The following LY75 variants were observed in gnomAD, a reference collection of about 807,000 sequenced individuals.
LY75 encodes the protein lymphocyte antigen 75, also known as C-type lectin domain family 13 member B.
A neutral mutation model predicts 231.7 loss-of-function variants in LY75; 185 were observed. That is an observed-to-expected ratio of 0.80 (90% CI 0.71 to 0.90). LY75 has a LOEUF of 0.90. Ranked by LOEUF, LY75 falls within the 40% of genes least tolerant of loss-of-function variation. LY75 has a pLI of 0.00. For synonymous variants in LY75, 668 were observed against 689.0 expected (o/e 0.97, Z 0.48); for missense variants, 1,947 against 2,050.2 (o/e 0.95, Z 0.97).
rs1167348813 is a variant in LY75, at chr2:159,835,775, T to A, written c.3508-130A>T. On this transcript the variant is annotated intron_variant, in intron 25 of 34. Transcript: ENST00000263636. ...TAATACACATTTACATACCATTTACTACATAACAAGCATTGTTCTAAATGC... is the reference window on the plus strand; with the variant it reads ...TAATACACATTTACATACCATTTACAACATAACAAGCATTGTTCTAAATGC... The A allele has an allele frequency of 7.6e-6, 9 of 1,184,462 alleles. No individual in the cohort carries two copies. The East Asian group carries it at 2.4e-4, about 32-fold the overall frequency. 73.4% of individuals were successfully genotyped at this position (1,184,462 alleles called of 1,614,324 possible). A position where few individuals can be genotyped will look rare whatever the true frequency, so the allele number is the denominator to read the frequency against.
chr2:159,904,448 C>G (rs1431906766), intron 1 of LY75, 141 bp downstream of exon 1: 5 of 981,372 alleles, frequency 5.1e-6, no homozygotes, highest in Non-Finnish European at 7.0e-6. Flanking sequence ...ACTCACTCTT[C>G]CGGCTCCAGA....
intron 1 of LY75, among the ~76,000 whole-genome samples, chr2:159,902,007 AG>A (rs1461491007): frequency 6.6e-6 from 1 of 152,224 alleles, no homozygotes; most frequent in Admixed American, 6.5e-5. Flanking sequence ...AGCTGGAAGG[AG>A]GACTGAGAAA....
intron 8 of LY75, among the ~76,000 whole-genome samples, chr2:159,880,702 A>G (rs1188597779): frequency 6.6e-6 from 1 of 152,228 alleles, no homozygotes; most frequent in Non-Finnish European, 1.5e-5. Context: ...GACACCAGGG[A>G]CCAGTTTTGT....
chr2:159,877,009 C>CAAAAAAAAAA (rs58831835), intron 11 of LY75, among the ~76,000 whole-genome samples: 32 of 90,520 alleles, frequency 3.5e-4, no homozygotes, highest in Non-Finnish European at 4.9e-4. Context: ...AACTCCATCT[C>CAAAAAAAAAA]AAAAAAAAAA....
rs1377829774 is a variant in LY75 at position 159,840,710 on chromosome 2, G to A, written c.3507+19C>T. 6.2e-7 allele frequency: 1 copy of A among 1,613,814 alleles called. No individual in the cohort carries two copies. Among genetic ancestry groups the A allele is most frequent in the Admixed American group, 1.7e-5 (1 of 59,996 alleles). On this transcript the variant is annotated intron_variant, in intron 25 of 34. Transcript: ENST00000263636. ...CGCTTTCCATCACCCAGTCCTGGCA[G>A]TTGGGACTGAACACTTACATCTTGA...
At chr2:159,866,036 T>G (rs1684847242) in intron 13 of LY75, among the ~76,000 whole-genome samples, 1 of 152,182 alleles carries the variant, frequency 6.6e-6, no homozygotes, top group Admixed American at 6.6e-5. Flanking sequence ...TTTAACCTTT[T>G]GTTGGTACAT....
chr2:159,853,659 G>A lies in LY75; in HGVS notation c.2634C>T (p.Ser878=), dbSNP rs772853833. 4.3e-6 allele frequency: 7 copies of A among 1,613,332 alleles called. No individual in the cohort carries two copies. Among genetic ancestry groups the A allele is most frequent in the East Asian group, 2.2e-5 (1 of 44,784 alleles). The change falls in exon 19 of 35, where the codon AGC becomes AGT. Residue 878 remains serine (S), a synonymous_variant. Transcript: ENST00000263636. The part of the protein sequence containing the change: ...GDGQKWWIRI[S]EWPIDDHFTY... ...TAAAATGATCATCTATTGGCCACTCGCTAATTCTTATCCACCACTTCTGTC... is the reference window on the plus strand; with the variant it reads ...TAAAATGATCATCTATTGGCCACTCACTAATTCTTATCCACCACTTCTGTC...
chr2:159,853,235 T>C, intron 20 of LY75, 38 bp downstream of exon 20: 1 of 1,572,620 alleles, frequency 6.4e-7, no homozygotes, highest in East Asian at 2.3e-5. Flanking sequence ...CTTCACATAT[T>C]ACATAATCAG....
Position 159,860,864 on chromosome 2 carries a change from T to G in LY75, c.2225A>C (p.Glu742Ala). 1 of 1,614,010 alleles carries G rather than the reference T, an allele frequency of 6.2e-7. No homozygotes were observed. Among genetic ancestry groups the G allele is most frequent in the Non-Finnish European group, 8.5e-7 (1 of 1,179,902 alleles). Residue 742 changes from glutamate to alanine, a missense_variant, in exon 15 of 35, where the codon GAG (glutamate) becomes GCG (alanine). Glu to Ala is a moderately radical substitution (Grantham distance 107). Transcript: ENST00000263636. Reference sequence around the variant, plus strand: ...TCTGATGTCATAATCCTGCTGAAACTCATTTGGCATGATAATAGTAGACAC... The same window carrying G: ...TCTGATGTCATAATCCTGCTGAAACGCATTTGGCATGATAATAGTAGACAC... Reference protein sequence around the residue: ...TPVSTIIMPNEFQQDYDIRDC... With the variant: ...TPVSTIIMPNAFQQDYDIRDC...
intron 23 of LY75, among the ~76,000 whole-genome samples, chr2:159,845,010 G>T (rs1390149380): frequency 6.6e-6 from 1 of 151,976 alleles, no homozygotes; most frequent in Non-Finnish European, 1.5e-5. Flanking sequence ...GTGTTAATTT[G>T]CTTAGGATTA....
At chr2:159,892,783 C>G (rs770116778) in intron 3 of LY75, among the ~76,000 whole-genome samples, 1 of 152,104 alleles carries the variant, frequency 6.6e-6, no homozygotes, top group Admixed American at 6.6e-5. Flanking sequence ...TTCTAAAGAA[C>G]AGCAAATTCT....
At chr2:159,841,067 C>T in intron 24 of LY75, 112 bp from the exon 25 acceptor site, 3 of 1,473,558 alleles carry the variant, frequency 2.0e-6, no homozygotes, top group Non-Finnish European at 1.8e-6. Flanking sequence ...ATATTATTTG[C>T]CTATTTATTT....
rs1401714703 is a variant in LY75, at chr2:159,853,546, TTATAAA to T, written c.2663+78_2663+83del. The T allele has an allele frequency of 2.5e-6, 4 of 1,588,392 alleles. No individual in the cohort carries two copies. In the East Asian group the frequency reaches 6.8e-5, roughly 27 times the overall value. ...GTTTATGGATTAATATTCAAACTAC[TTATAAA>T]TAGAAATCCATTTAGTAAAAGGAAC... On this transcript the variant is annotated intron_variant, in intron 19 of 34. Coordinates refer to ENST00000263636, the MANE Select transcript of LY75 (RefSeq NM_002349.4).
chr2:159,819,079 G>A (rs1219671350), intron 29 of LY75, among the ~76,000 whole-genome samples: 3 of 152,176 alleles, frequency 2.0e-5, no homozygotes, highest in Admixed American at 6.5e-5. Context: ...TGGTGGACAC[G>A]GTCTTGGGAA....
chr2:159,872,351 C>T, intron 13 of LY75, 100 bp downstream of exon 13: 1 of 1,461,448 alleles, frequency 6.8e-7, no homozygotes, highest in Non-Finnish European at 9.2e-7. Flanking sequence ...AAAACATGTC[C>T]ATTTTTTTTC....
At chr2:159,896,973 T>A (rs1245858931) in intron 2 of LY75, among the ~76,000 whole-genome samples, 1 of 152,216 alleles carries the variant, frequency 6.6e-6, no homozygotes, top group Admixed American at 6.5e-5. Flanking sequence ...TGCCTTTGGG[T>A]TATGCTGGTG....
chr2:159,807,071 C>T lies in LY75; in HGVS notation c.4892G>A (p.Gly1631Asp), dbSNP rs1412783488. ...TATCAACATGCTACATCTTCCAACA[C>T]CACTCTTACTTTTATTTTCCCATTT... is the stretch of plus-strand genomic sequence containing the variant. ...FVKWENKSKS[G>D]VGRCSMLIAS... The change falls in exon 34 of 35, where the codon GGT becomes GAT. Residue 1631 changes from glycine (G) to aspartate (D), a missense_variant. Coordinates refer to ENST00000263636, the MANE Select transcript of LY75 (RefSeq NM_002349.4). 3 of 1,613,892 alleles carry T rather than the reference C, an allele frequency of 1.9e-6. No homozygotes were observed. The highest frequency in any genetic ancestry group is 4.5e-5 in the East Asian group (2 of 44,854).
At chr2:159,831,547 G>A (rs1668281707) in intron 28 of LY75, 123 bp downstream of exon 28, 1 of 1,046,022 alleles carries the variant, frequency 9.6e-7, no homozygotes. Context: ...TGTAAGTTAT[G>A]CTAAGTACAT....
chr2:159,858,268 G>A, intron 16 of LY75, 94 bp downstream of exon 16: 1 of 1,474,164 alleles, frequency 6.8e-7, no homozygotes, highest in Non-Finnish European at 9.1e-7. Context: ...TTAGACATCA[G>A]AATTATAGAT....
Sources: gnomAD v4.1 joint callset for allele counts (sites outside exome capture counted in the v4.1 genomes callset) on GRCh38, gnomAD v4.1.1 for gene constraint, MANE v1.5 for transcripts, NCBI Gene and HGNC (gene_info 2026-07-23, HGNC 2026-07-21) for gene names.